EFCAB8: variants seen among roughly 807,000 people sequenced by gnomAD.
EFCAB8 encodes EF-hand calcium binding domain 8, also known as EF-hand calcium-binding domain-containing protein 8.
A neutral mutation model predicts 116.3 loss-of-function variants in EFCAB8; 100 were observed. The ratio of observed to expected loss-of-function variants is 0.86; its 90% CI spans 0.73 to 1.02. The LOEUF is 1.02. Ranked by LOEUF, EFCAB8 falls within the 50% of genes least tolerant of loss-of-function variation. The pLI is 0.00. For missense variants in EFCAB8, 1,320 were observed against 1,416.9 expected (o/e 0.93, Z 1.10); for synonymous variants, 558 against 567.9 (o/e 0.98, Z 0.25).
intron 1 of EFCAB8, among the ~76,000 whole-genome samples, chr20:32,859,518 C>T (rs1212561137): frequency 3.3e-5 from 5 of 152,192 alleles, no homozygotes; most frequent in Non-Finnish European, 7.3e-5. Flanking sequence ...CGTTTTACCT[C>T]TGTTCATGAA....
At chr20:32,887,947 G>A (rs1435956175) in intron 6 of EFCAB8, among the ~76,000 whole-genome samples, 1 of 152,214 alleles carries the variant, frequency 6.6e-6, no homozygotes, top group Non-Finnish European at 1.5e-5. Flanking sequence ...CTATGGAGGG[G>A]CAGACAGGGG....
In EFCAB8 at chr20:32,931,251, C is replaced by T; in HGVS notation, c.2705C>T (p.Ser902Phe). The T allele has an allele frequency of 6.4e-7, 1 of 1,551,572 alleles. No homozygotes were observed. Among genetic ancestry groups the T allele is most frequent in the Non-Finnish European group, 8.7e-7 (1 of 1,146,924 alleles). ...PFQSSGAKVVSEAHNKFRLLI... is the reference protein window; with the variant it reads ...PFQSSGAKVVFEAHNKFRLLI... ...CAATCCAGTGGGGCCAAGGTTGTCT[C>T]TGAAGCACACAACAAGTTCCGGTTG... Residue 902 changes from serine to phenylalanine, a missense_variant, in exon 22 of 27, where the codon TCT becomes TTT. Physicochemically the swap from Ser to Phe is radical, Grantham distance 155. Coordinates refer to ENST00000400522, the MANE Select transcript of EFCAB8 (RefSeq NM_001143967.2).
intron 20 of EFCAB8, among the ~76,000 whole-genome samples, chr20:32,922,872 C>G (rs1203094514): frequency 6.6e-6 from 1 of 152,098 alleles, no homozygotes; most frequent in Non-Finnish European, 1.5e-5. Context: ...GAAAGTGATA[C>G]ATGTCCTTAA....
intron 11 of EFCAB8, among the ~76,000 whole-genome samples, chr20:32,905,517 C>T (rs1986632247): frequency 6.6e-6 from 1 of 152,106 alleles, no homozygotes; most frequent in Non-Finnish European, 1.5e-5. Context: ...AATCCCAGCA[C>T]TTTGGGAGGC....
intron 8 of EFCAB8, 93 bp from the exon 9 acceptor site, chr20:32,893,081 T>C (rs1028744200): frequency 6.8e-7 from 1 of 1,470,530 alleles, no homozygotes; most frequent in Admixed American, 2.0e-5. Flanking sequence ...CCTCAGGTGA[T>C]TAACCTACCT....
chr20:32,939,126 T>TTC (rs1568941458), intron 22 of EFCAB8, among the ~76,000 whole-genome samples: 1 of 20,278 alleles, frequency 4.9e-5, no homozygotes, highest in Non-Finnish European at 8.9e-5. Context: ...TCTTTCTTTC[T>TTC]CTTTCTTTCT....
intron 4 of EFCAB8, 21 bp from the exon 5 acceptor site, chr20:32,878,682 CT>C (rs1395898117): frequency 1.3e-6 from 2 of 1,545,800 alleles, no homozygotes; most frequent in Non-Finnish European, 8.8e-7. Context: ...CCCTGCCTCC[CT>C]TGTGCTTTCT....
intron 15 of EFCAB8, among the ~76,000 whole-genome samples, chr20:32,911,147 A>G (rs1986899368): frequency 6.6e-6 from 1 of 151,984 alleles, no homozygotes; most frequent in Admixed American, 6.6e-5. Flanking sequence ...CAGTTAGTTT[A>G]TTTCTTATTT....
intron 13 of EFCAB8, chr20:32,907,272 G>A (rs1404900152): frequency 3.5e-6 from 1 of 283,594 alleles, no homozygotes; most frequent in Non-Finnish European, 5.3e-6. Flanking sequence ...AGAATGGGCT[G>A]TTGAGTGGTT....
In EFCAB8 at chr20:32,930,377, G is replaced by C. The variant is rs367685749; in HGVS notation, c.2413-21G>C. On this transcript the variant is annotated intron_variant, in intron 20 of 26. Transcript: ENST00000400522. ...CAGTGGCTCACAGCCCTGCTGAGCCGGGCCCTCCTCTCTTCCTCAGATAAT... is the reference window on the plus strand; with the variant it reads ...CAGTGGCTCACAGCCCTGCTGAGCCCGGCCCTCCTCTCTTCCTCAGATAAT... 8 of 1,543,800 alleles carry C rather than the reference G, an allele frequency of 5.2e-6. No homozygotes were observed. In the African/African-American group the frequency reaches 5.5e-5, roughly 11 times the overall value.
chr20:32,888,836 G>T (rs187222022), intron 6 of EFCAB8, among the ~76,000 whole-genome samples: 1 of 152,200 alleles, frequency 6.6e-6, no homozygotes, highest in East Asian at 1.9e-4. Flanking sequence ...CTTCTGGCCT[G>T]TTGCTCTAAT....
chr20:32,868,958 C>T (rs1383697523), intron 3 of EFCAB8, among the ~76,000 whole-genome samples: 2 of 151,890 alleles, frequency 1.3e-5, no homozygotes, highest in African/African-American at 4.8e-5. Context: ...TTACTCCAGC[C>T]TAGACCACAG....
At position 32,951,024 on chromosome 20, in the gene EFCAB8, A is replaced by T. The variant is rs58048875; in HGVS notation, c.2959+7220A>T. On this transcript the variant is annotated intron_variant, in intron 23 of 26. Transcript: ENST00000400522. ...TTTATTCATTAGAAGAGAAATACTA[A>T]TTAAAACCGCTGTAAGATACCATTT... is the stretch of plus-strand genomic sequence containing the variant. 5.8e-3 allele frequency among the ~76,000 whole-genome samples: 879 copies of T among 152,340 alleles called. 4 individuals carry two copies. The highest frequency in any genetic ancestry group is 0.02 in the African/African-American group (837 of 41,564).
chr20:32,925,928 G>A (rs1006923877), intron 20 of EFCAB8, among the ~76,000 whole-genome samples: 3 of 152,252 alleles, frequency 2.0e-5, no homozygotes, highest in Non-Finnish European at 4.4e-5. Context: ...GGGGCTGGAT[G>A]CAGAGTGCAA....
chr20:32,876,251 G>A (rs1984966115), intron 4 of EFCAB8, among the ~76,000 whole-genome samples: 3 of 152,212 alleles, frequency 2.0e-5, no homozygotes, highest in Non-Finnish European at 4.4e-5. Context: ...ATTCCCCAGG[G>A]ACAAGTGTCG....
intron 3 of EFCAB8, among the ~76,000 whole-genome samples, chr20:32,873,802 ACT>A (rs1600368341): frequency 8.1e-6 from 1 of 124,216 alleles, no homozygotes; most frequent in East Asian, 2.0e-4. Flanking sequence ...ACAGAGCGAG[ACT>A]CTGTCCAAAA....
rs752413347 is a variant in EFCAB8, at chr20:32,920,063, C to A, written c.2275-15C>A. On this transcript the variant is annotated splice_polypyrimidine_tract_variant and intron_variant, in intron 19 of 26. Coordinates refer to ENST00000400522, the MANE Select transcript of EFCAB8 (RefSeq NM_001143967.2). ...ACACCCTCATGGTGACTTGGGTGCC[C>A]ATCTTTCTTTCCAGAAACCTTCCAG... The A allele has an allele frequency of 1.9e-6, 3 of 1,551,676 alleles. No homozygotes were observed. The highest frequency in any genetic ancestry group is 3.9e-5 in the Admixed American group (2 of 51,002).
intron 9 of EFCAB8, among the ~76,000 whole-genome samples, chr20:32,893,606 G>T (rs1986022632): frequency 6.6e-6 from 1 of 152,148 alleles, no homozygotes; most frequent in Non-Finnish European, 1.5e-5. Flanking sequence ...GGACCCTGGG[G>T]AAGTCCTTCA....
intron 7 of EFCAB8, among the ~76,000 whole-genome samples, chr20:32,891,650 G>A (rs114916017): frequency 3.6e-3 from 552 of 152,328 alleles, no homozygotes; most frequent in African/African-American, 0.013. Flanking sequence ...GGCCTTTGTG[G>A]CCCCAGCCCA....
Sources: allele counts gnomAD v4.1 joint callset (sites outside exome capture counted in the v4.1 genomes callset), GRCh38; gene constraint gnomAD v4.1.1; transcripts MANE v1.5; gene names NCBI Gene and HGNC (gene_info 2026-07-23, HGNC 2026-07-21).